The following ADGRV1 variants were observed in gnomAD, a reference collection of about 807,000 sequenced individuals.
ADGRV1 encodes adhesion G protein-coupled receptor V1.
A neutral mutation model predicts 596.2 loss-of-function variants in ADGRV1; 359 were observed. That is an observed-to-expected ratio of 0.60 (90% CI 0.55 to 0.66). The LOEUF is 0.66. Ranked by LOEUF, ADGRV1 falls within the 30% of genes least tolerant of loss-of-function variation. The probability of loss-of-function intolerance (pLI) is 0.00; values close to 1 mark genes in which losing one functional copy is unlikely to be tolerated. For missense variants in ADGRV1, 7,274 were observed against 7,575.6 expected (o/e 0.96, Z 1.48); for synonymous variants, 2,681 against 2,679.2 (o/e 1.00, Z -0.02).
chr5:91,107,417 G>A (rs1467487674), intron 87 of ADGRV1, among the ~76,000 whole-genome samples: 4 of 136,230 alleles, frequency 2.9e-5, no homozygotes, highest in Non-Finnish European at 6.4e-5. Context: ...GGAATGTTTC[G>A]TTTTGTTTTG....
At chr5:91,100,973 G>A (rs2973454) in intron 86 of ADGRV1, among the ~76,000 whole-genome samples, 18,809 of 152,156 alleles carry the variant, frequency 0.12, 1,322 homozygotes, top group African/African-American at 0.2. Context: ...AGACCCATTT[G>A]GGATTAAGAA....
chr5:90,569,935 C>T (rs1415998565), intron 1 of ADGRV1, among the ~76,000 whole-genome samples: 1 of 151,910 alleles, frequency 6.6e-6, no homozygotes, highest in Non-Finnish European at 1.5e-5. Flanking sequence ...ATTATTATTG[C>T]TTTATGTAGT....
intron 1 of ADGRV1, among the ~76,000 whole-genome samples, chr5:90,593,495 A>C (rs570203780): frequency 2.0e-4 from 31 of 152,294 alleles, no homozygotes; most frequent in African/African-American, 7.5e-4. Context: ...GAAATACCTA[A>C]TATAAACGAC....
intron 57 of ADGRV1, among the ~76,000 whole-genome samples, chr5:90,758,790 A>T (rs1279705677): frequency 6.6e-6 from 1 of 152,210 alleles, no homozygotes; most frequent in Non-Finnish European, 1.5e-5. Flanking sequence ...TTTATTTATC[A>T]GTTTATAAAA....
rs2149717164 is a variant in ADGRV1, at chr5:90,711,292, A to C, written c.9012A>C (p.Gln3004His). ...TGTATGCTCAGAATTTGGAAGCACA[A>C]GTGGGGCTGGATTATATCTTCACCC... ...LFVYAQNLEA[Q>H]VGLDYIFTPM... is the part of the protein sequence containing the mutation. The change falls in exon 41 of 90, where the codon CAA (glutamine) becomes CAC (histidine). Residue 3004 changes from glutamine to histidine, a missense_variant. Transcript: ENST00000405460. 6.2e-7 allele frequency: 1 copy of C among 1,612,994 alleles called. No individual in the cohort carries two copies.
At chr5:91,065,353 C>T (rs1787796781) in intron 85 of ADGRV1, among the ~76,000 whole-genome samples, 1 of 152,192 alleles carries the variant, frequency 6.6e-6, no homozygotes, top group Non-Finnish European at 1.5e-5. Context: ...CAAAGAAGAC[C>T]TTGGAAACAT....
At chr5:90,835,610 A>C (rs1764906648) in intron 77 of ADGRV1, among the ~76,000 whole-genome samples, 1 of 152,198 alleles carries the variant, frequency 6.6e-6, no homozygotes, top group Non-Finnish European at 1.5e-5. Context: ...AGAACTGAGA[A>C]AGAAAAGTAC....
intron 28 of ADGRV1, 136 bp from the exon 29 acceptor site, chr5:90,685,636 AAATAAAAT>A (rs1387672944): frequency 5.7e-4 from 139 of 244,158 alleles, no homozygotes; most frequent in Non-Finnish European, 7.7e-4. Flanking sequence ...ATAAATAAAT[AAATAAAAT>A]AAATAGTAGA....
intron 9 of ADGRV1, among the ~76,000 whole-genome samples, chr5:90,633,984 T>A (rs1765825027): frequency 6.6e-6 from 1 of 152,206 alleles, no homozygotes; most frequent in Non-Finnish European, 1.5e-5. Flanking sequence ...AAAATCAATT[T>A]AAATCACAGG....
chr5:91,127,900 G>A (rs1793903558), intron 87 of ADGRV1, among the ~76,000 whole-genome samples: 1 of 152,168 alleles, frequency 6.6e-6, no homozygotes, highest in Admixed American at 6.5e-5. Flanking sequence ...CTCACTAGAG[G>A]TGTGCTAGTT....
intron 83 of ADGRV1, among the ~76,000 whole-genome samples, chr5:90,905,561 T>C (rs933188389): frequency 3.9e-5 from 6 of 152,264 alleles, no homozygotes; most frequent in African/African-American, 1.4e-4. Flanking sequence ...CAAATGCTAC[T>C]GATTTTTGTA....
At chr5:90,730,815 G>C (rs1246927818) in intron 50 of ADGRV1, among the ~76,000 whole-genome samples, 1 of 152,158 alleles carries the variant, frequency 6.6e-6, no homozygotes, top group African/African-American at 2.4e-5. Context: ...CATGTCTCCT[G>C]TTGAGGTGTC....
chr5:91,153,294 A>G lies in ADGRV1; in HGVS notation c.18698A>G (p.Gln6233Arg). Residue 6233 changes from glutamine (Q) to arginine (R), a missense_variant, in exon 89 of 90, where the codon CAA becomes CGA. Physicochemically the swap from Gln to Arg is conservative, Grantham distance 43. Around this residue, in one of 5 missense-constraint regions of ADGRV1, gnomAD observed 1,874 missense variants for 1,970.2 expected, o/e 0.95. Transcript: ENST00000405460. ...QASPDLKPSP[Q>R]NGATFPSSGG... is the part of the protein sequence containing the mutation. The stretch of plus-strand genomic sequence containing the variant: ...AGCCCTGATTTAAAGCCAAGTCCAC[A>G]AAATGGAGCCACGTTCCCGTCCTCT... 6.2e-7 allele frequency: 1 copy of G among 1,611,042 alleles called. No homozygotes were observed. The highest frequency in any genetic ancestry group is 8.5e-7 in the Non-Finnish European group (1 of 1,178,658).
At chr5:91,133,122 T>C (rs756518339) in intron 87 of ADGRV1, among the ~76,000 whole-genome samples, 2 of 152,202 alleles carry the variant, frequency 1.3e-5, no homozygotes, top group African/African-American at 2.4e-5. Context: ...TTTTCTTAAC[T>C]TTTATTTTAG....
chr5:90,772,468 C>T (rs770460340), intron 59 of ADGRV1, among the ~76,000 whole-genome samples: 2 of 152,104 alleles, frequency 1.3e-5, no homozygotes, highest in Non-Finnish European at 2.9e-5. Flanking sequence ...TGAAATATGG[C>T]GTTCCTAAGC....
At chr5:91,122,109 G>A (rs890701329) in intron 87 of ADGRV1, among the ~76,000 whole-genome samples, 9 of 152,100 alleles carry the variant, frequency 5.9e-5, no homozygotes, top group Non-Finnish European at 1.5e-5. Context: ...TGAATTTCTG[G>A]TACTTTCCTC....
chr5:90,616,616 A>G (rs1441838206), intron 2 of ADGRV1, among the ~76,000 whole-genome samples: 1 of 152,026 alleles, frequency 6.6e-6, no homozygotes, highest in Non-Finnish European at 1.5e-5. Flanking sequence ...TTTTGGGGGT[A>G]TATGTGATAT....
At position 90,653,327 on chromosome 5, in the gene ADGRV1, A is replaced by G. The variant is rs1339518444; in HGVS notation, c.3753A>G (p.Arg1251=). 1 of 1,613,764 alleles carries G rather than the reference A, an allele frequency of 6.2e-7. No homozygotes were observed. Among genetic ancestry groups the G allele is most frequent in the East Asian group, 2.2e-5 (1 of 44,886 alleles). The change falls in exon 20 of 90, where the codon AGA becomes AGG. Residue 1251 remains arginine, a synonymous_variant. Transcript: ENST00000405460. ...VFILDPECLE[R]EVAEDVLSED... ...TCTTGGATCCAGAGTGTTTAGAGAG[A>G]GAAGTGGCAGAAGATGTCCTGTCTG...
intron 84 of ADGRV1, among the ~76,000 whole-genome samples, chr5:90,972,860 A>C (rs1389764211): frequency 6.6e-6 from 1 of 152,058 alleles, no homozygotes; most frequent in Admixed American, 6.6e-5. Context: ...TCAGAGCAGA[A>C]ATGAAGGAGA....
Sources: gnomAD v4.1 joint callset for allele counts (sites outside exome capture counted in the v4.1 genomes callset) on GRCh38, gnomAD v4.1.1 for gene constraint, gnomAD v4.1.1 regional missense constraint, MANE v1.5 for transcripts, NCBI Gene and HGNC (gene_info 2026-07-23, HGNC 2026-07-21) for gene names.